Variants in ENKUR observed in about 807,000 individuals in gnomAD.
ENKUR encodes enkurin, TRPC channel interacting protein.
A neutral mutation model predicts 27.6 loss-of-function variants in ENKUR; 19 were observed. The observed-to-expected ratio is 0.69, with a 90% confidence interval of 0.48 to 1.01. The LOEUF (loss-of-function observed/expected upper bound fraction) is 1.01, where lower values mean the gene tolerates loss of function less well. Among genes scored for constraint, ENKUR ranks in the 50% least tolerant of loss-of-function variants. The probability of loss-of-function intolerance (pLI) is 0.00; values close to 1 mark genes in which losing one functional copy is unlikely to be tolerated. For synonymous variants in ENKUR, 117 were observed against 96.9 expected (o/e 1.21, Z -1.22); for missense variants, 312 against 310.5 (o/e 1.00, Z -0.04).
chr10:25,029,587 A>G (rs1397078850), intron 2 of ENKUR, among the ~76,000 whole-genome samples: 2 of 152,182 alleles, frequency 1.3e-5, no homozygotes, highest in East Asian at 1.9e-4. Context: ...TTTCAAATCC[A>G]TGGAAACATA....
At chr10:25,035,852 C>T (rs1851001543) in intron 2 of ENKUR, among the ~76,000 whole-genome samples, 1 of 152,194 alleles carries the variant, frequency 6.6e-6, no homozygotes, top group African/African-American at 2.4e-5. Flanking sequence ...CTTCTCTGGA[C>T]AGCGTTGAAC....
chr10:25,025,435 G>T, intron 2 of ENKUR: 1 of 1,602,958 alleles, frequency 6.2e-7, no homozygotes, highest in Non-Finnish European at 8.5e-7. Flanking sequence ...GGAACAACTT[G>T]TCCAAAATCA....
upstream of ENKUR, chr10:25,016,926 T>C (rs1850600173): frequency 1.3e-5 from 2 of 152,486 alleles, no homozygotes; most frequent in African/African-American, 2.4e-5. Context: ...CTGCTGCTTC[T>C]GGTCGAGGCT....
intron 2 of ENKUR, among the ~76,000 whole-genome samples, chr10:25,026,961 T>C (rs1850865566): frequency 6.6e-6 from 1 of 152,092 alleles, no homozygotes; most frequent in Admixed American, 6.6e-5. Context: ...CAAAGTTACG[T>C]TTGTTCATGT....
chr10:25,039,208 C>A (rs191790082), intron 2 of ENKUR, among the ~76,000 whole-genome samples: 236 of 152,214 alleles, frequency 1.6e-3, no homozygotes, highest in Middle Eastern at 3.4e-3. Context: ...ACTTGGAAAT[C>A]AAATTCATTA....
At chr10:25,036,360 A>G (rs1281219477) in intron 2 of ENKUR, among the ~76,000 whole-genome samples, 2 of 152,176 alleles carry the variant, frequency 1.3e-5, no homozygotes, top group Admixed American at 6.5e-5. Flanking sequence ...CAGAATTATG[A>G]GGCTTCCCAA....
chr10:25,027,212 C>T lies in ENKUR; in HGVS notation c.38-31343G>A, dbSNP rs192664414. 1.2e-4 allele frequency among the ~76,000 whole-genome samples: 18 copies of T among 151,420 alleles called. No individual in the cohort carries two copies. In the East Asian group the frequency reaches 2.9e-3, roughly 25 times the overall value. Reference sequence around the variant, plus strand: ...TCTACTAAAAATGCAAAAAAATAGCCGGGCGTGGTGGCAGGCACCTGTAGT... The same window carrying T: ...TCTACTAAAAATGCAAAAAAATAGCTGGGCGTGGTGGCAGGCACCTGTAGT... On this transcript the variant is annotated intron_variant, in intron 2 of 5. Transcript: ENST00000615958.
At chr10:25,024,284 C>G in intron 2 of ENKUR, 1 of 1,614,190 alleles carries the variant, frequency 6.2e-7, no homozygotes, top group Non-Finnish European at 8.5e-7. Context: ...AAAGATTTGT[C>G]TTTACAGCTT....
At chr10:25,003,927 T>G (rs1023580731) in intron 1 of ENKUR, among the ~76,000 whole-genome samples, 12 of 149,608 alleles carry the variant, frequency 8.0e-5, no homozygotes, top group African/African-American at 3.1e-4. Context: ...TTTAGCAGTA[T>G]TTTGGTTTCA....
At chr10:25,053,736 C>T (rs554980442) in intron 2 of ENKUR, among the ~76,000 whole-genome samples, 1 of 152,244 alleles carries the variant, frequency 6.6e-6, no homozygotes, top group East Asian at 1.9e-4. Context: ...ATTTCGAATG[C>T]TGTAAATAAC....
At position 24,990,495 on chromosome 10, in the gene ENKUR, G is replaced by A. The variant is rs1372247489; in HGVS notation, c.562C>T (p.Leu188Phe). 2 of 1,613,632 alleles carry A rather than the reference G, an allele frequency of 1.2e-6. No individual in the cohort carries two copies. The highest frequency in any genetic ancestry group is 1.7e-5 in the Admixed American group (1 of 59,920). The part of the protein sequence containing the change: ...ENLKKAAMKR[L>F]SDEEREAVLQ... Reference sequence around the variant, plus strand: ...ACTGCCTCCCTTTCTTCATCGGAGAGCCTTTTCATAGCTGCTTTCTTAAGG... The same window carrying A: ...ACTGCCTCCCTTTCTTCATCGGAGAACCTTTTCATAGCTGCTTTCTTAAGG... The change falls in exon 4 of 6, where the codon CTC becomes TTC. Residue 188 changes from leucine (L) to phenylalanine (F), a missense_variant. Leu to Phe is a conservative substitution (Grantham distance 22). Coordinates refer to ENST00000331161, the MANE Select transcript of ENKUR (RefSeq NM_145010.4).
chr10:25,020,276 A>ATATCTATATC (rs58705370), upstream of ENKUR, among the ~76,000 whole-genome samples: 5,401 of 149,432 alleles, frequency 0.036, 187 homozygotes, highest in East Asian at 0.097. Flanking sequence ...ATCTATATCT[A>ATATCTATATC]TATATATCTA....
At chr10:25,003,126 A>T (rs982071242) in intron 1 of ENKUR, among the ~76,000 whole-genome samples, 4 of 152,084 alleles carry the variant, frequency 2.6e-5, no homozygotes, top group African/African-American at 7.2e-5. Context: ...TCTCCAATAA[A>T]TTTTCCAGAA....
At chr10:25,046,804 G>A (rs1260949552) in intron 2 of ENKUR, among the ~76,000 whole-genome samples, 1 of 151,972 alleles carries the variant, frequency 6.6e-6, no homozygotes, top group Non-Finnish European at 1.5e-5. Context: ...CTCTGCTGTT[G>A]TATCCCAGCC....
chr10:25,046,896 C>T (rs1488720918), intron 2 of ENKUR, among the ~76,000 whole-genome samples: 1 of 152,128 alleles, frequency 6.6e-6, no homozygotes, highest in Non-Finnish European at 1.5e-5. Flanking sequence ...TGTTAATTTC[C>T]ATCCTCTAGA....
chr10:25,017,099 C>G (rs528867690), upstream of ENKUR, among the ~76,000 whole-genome samples: 1 of 152,338 alleles, frequency 6.6e-6, no homozygotes, highest in Admixed American at 6.5e-5. Flanking sequence ...CGGGTCGGGA[C>G]TCTTCCTCTA....
chr10:24,995,516 G>C lies in ENKUR; in HGVS notation c.447+130C>G, dbSNP rs144995417. On this transcript the variant is annotated intron_variant, in intron 3 of 5. Transcript: ENST00000331161. ...TTTGGACCAAACACAGATTGCAGAAGAATGAGAATCAGCAAAGTAGACAAT... is the reference window on the plus strand; with the variant it reads ...TTTGGACCAAACACAGATTGCAGAACAATGAGAATCAGCAAAGTAGACAAT... 247 of 815,124 alleles carry C rather than the reference G, an allele frequency of 3.0e-4. 4 individuals are homozygous for C. In the East Asian group the frequency reaches 6.2e-3, roughly 21 times the overall value. The allele number at this position is 815,124 out of a possible 1,614,324, so 50.5% of individuals were successfully genotyped here. A position where few individuals can be genotyped will look rare whatever the true frequency, so the allele number is the denominator to read the frequency against.
intron 2 of ENKUR, among the ~76,000 whole-genome samples, chr10:25,040,000 G>A (rs1017339524): frequency 8.5e-5 from 9 of 106,444 alleles, no homozygotes; most frequent in African/African-American, 2.8e-4. Context: ...GCTGCTGGCC[G>A]TGGTACGTAC....
In ENKUR at chr10:24,989,157, G is replaced by A. The variant is rs755612913; in HGVS notation, c.594+1306C>T. ...AAAAACCTGGCTTTCACAAAGGCACGTACTTTCTGAAAATGGGAAAATCCA... is the reference window on the plus strand; with the variant it reads ...AAAAACCTGGCTTTCACAAAGGCACATACTTTCTGAAAATGGGAAAATCCA... On this transcript the variant is annotated intron_variant, in intron 4 of 5. Coordinates refer to ENST00000331161, the MANE Select transcript of ENKUR (RefSeq NM_145010.4). Among the ~76,000 whole-genome samples, 7 of 152,086 alleles carry A rather than the reference G, an allele frequency of 4.6e-5. No individual in the cohort carries two copies. In the South Asian group the frequency reaches 1.0e-3, roughly 23 times the overall value.
Sources: allele counts gnomAD v4.1 joint callset (sites outside exome capture counted in the v4.1 genomes callset), GRCh38; gene constraint gnomAD v4.1.1; transcripts MANE v1.5; gene names NCBI Gene and HGNC (gene_info 2026-07-23, HGNC 2026-07-21).